Variants in NFIX observed in about 807,000 individuals in gnomAD.
NFIX encodes the protein nuclear factor 1 X-type.
Under a neutral mutation model 53.3 loss-of-function variants are expected in NFIX, and 2 were observed. That is an observed-to-expected ratio of 0.04 (90% CI 0.02 to 0.12). NFIX has a LOEUF of 0.12. Ranked by LOEUF, NFIX falls within the 10% of genes least tolerant of loss-of-function variation. The pLI is 1.00. For synonymous variants in NFIX, 244 were observed against 289.0 expected (o/e 0.84, Z 1.58); for missense variants, 310 against 674.5 (o/e 0.46, Z 5.99).
chr19:13,036,346 G>A lies in NFIX; in HGVS notation c.559+10794G>A, dbSNP rs751825536. 2.0e-5 allele frequency among the ~76,000 whole-genome samples: 3 copies of A among 152,220 alleles called. No homozygotes were observed. Among genetic ancestry groups the A allele is most frequent in the Non-Finnish European group, 2.9e-5 (2 of 68,030 alleles). On this transcript the variant is annotated intron_variant, in intron 2 of 10. Transcript: ENST00000592199. The surrounding 1 kb of genome is among the most constrained non-coding windows in gnomAD (Gnocchi z 4.7). ...TGTTTGTTTTGGGTTTAACAATACA[G>A]CAGGGAGAAGAGTGGCAGAGGAAGA...
rs2012976702 is a variant in NFIX at position 13,022,081 on chromosome 19, A to G, written c.28-2940A>G. On this transcript the variant is annotated intron_variant, in intron 1 of 10. Coordinates refer to ENST00000592199, the MANE Select transcript of NFIX (RefSeq NM_001365902.3). This position sits in a 1 kb window ranked among gnomAD's most constrained non-coding sequence, Gnocchi z 4.5. ...GATCTGGAGAATTAAATGCCTGTGC[A>G]GTGGTGAGGGGCGTTGGTCAGATTC... Among the ~76,000 whole-genome samples, 1 of 152,160 alleles carries G rather than the reference A, an allele frequency of 6.6e-6. No individual in the cohort carries two copies. Among genetic ancestry groups the G allele is most frequent in the Admixed American group, 6.5e-5 (1 of 15,286 alleles).
At position 12,996,398 on chromosome 19, in the gene NFIX, C is replaced by T. The variant is rs1029616718; in HGVS notation, c.27+534C>T. 1.3e-5 allele frequency among the ~76,000 whole-genome samples: 2 copies of T among 151,912 alleles called. No individual in the cohort carries two copies. The highest frequency in any genetic ancestry group is 2.1e-4 in the South Asian group (1 of 4,822). On this transcript the variant is annotated intron_variant, in intron 1 of 10. Transcript: ENST00000592199. The surrounding 1 kb of genome is among the most constrained non-coding windows in gnomAD (Gnocchi z 5.2). The stretch of plus-strand genomic sequence containing the variant: ...CCGGCGTGCGTGGCGGCGGCCCTTG[C>T]GTGCGGCCGGGGTGCCTGGGGTGGG...
rs575928436 is a variant in NFIX at position 13,049,158 on chromosome 19, C to T, written c.559+23606C>T. 6.6e-6 allele frequency among the ~76,000 whole-genome samples: 1 copy of T among 152,212 alleles called. No individual in the cohort carries two copies. The highest frequency in any genetic ancestry group is 2.1e-4 in the South Asian group (1 of 4,816). The stretch of plus-strand genomic sequence containing the variant: ...ATCCTAGCTACTTGGGAGGCTGAGG[C>T]AGGAGGATTGCTTGAACCCAAGAAT... On this transcript the variant is annotated intron_variant, in intron 2 of 10. Transcript: ENST00000592199. The surrounding 1 kb of genome is among the most constrained non-coding windows in gnomAD (Gnocchi z 4.5).
At position 13,068,059 on chromosome 19, in the gene NFIX, C is replaced by T. The variant is rs185763196; in HGVS notation, c.560-4988C>T. On this transcript the variant is annotated intron_variant, in intron 2 of 10. Coordinates refer to ENST00000592199, the MANE Select transcript of NFIX (RefSeq NM_001365902.3). This position sits in a 1 kb window ranked among gnomAD's most constrained non-coding sequence, Gnocchi z 4.2. ...GGTGGGGCTTGCAGTGAGCCGAGATCGCACCACTGCACTCCAGCCTGGGTG... is the reference window on the plus strand; with the variant it reads ...GGTGGGGCTTGCAGTGAGCCGAGATTGCACCACTGCACTCCAGCCTGGGTG... Among the ~76,000 whole-genome samples the T allele has an allele frequency of 4.4e-3, 668 of 151,708 alleles. 7 individuals are homozygous for T. The highest frequency in any genetic ancestry group is 0.016 in the African/African-American group (642 of 41,322).
At chr19:13,076,558 T>G (rs2017116173) in intron 6 of NFIX, among the ~76,000 whole-genome samples, 1 of 152,180 alleles carries the variant, frequency 6.6e-6, no homozygotes, top group Non-Finnish European at 1.5e-5. Flanking sequence ...ATCCTCACTG[T>G]GGGTGTGACA....
intron 2 of NFIX, among the ~76,000 whole-genome samples, chr19:13,053,056 A>G (rs1296883144): frequency 6.6e-6 from 1 of 152,202 alleles, no homozygotes; most frequent in Non-Finnish European, 1.5e-5. Context: ...CCTCCTGCAC[A>G]GTGCACACAT....
intron 1 of NFIX, among the ~76,000 whole-genome samples, chr19:13,010,542 C>A (rs1334300038): frequency 1.3e-5 from 2 of 152,270 alleles, no homozygotes; most frequent in Admixed American, 1.3e-4. Flanking sequence ...CTGGCTGGCG[C>A]ACTTACACCT....
At chr19:13,061,809 C>A (rs2016111775) in intron 2 of NFIX, among the ~76,000 whole-genome samples, 1 of 152,152 alleles carries the variant, frequency 6.6e-6, no homozygotes, top group South Asian at 2.1e-4. Context: ...AAAAAAAAAT[C>A]TGTAAAAATC....
intron 2 of NFIX, among the ~76,000 whole-genome samples, chr19:13,033,755 G>A (rs1315350579): frequency 6.6e-6 from 1 of 152,200 alleles, no homozygotes; most frequent in Non-Finnish European, 1.5e-5. Flanking sequence ...CTCCTGGCTG[G>A]GTGTGTGTGC....
At position 13,094,521 on chromosome 19, in the gene NFIX, C is replaced by T; in HGVS notation, c.1495-114C>T. 2 of 1,091,374 alleles carry T rather than the reference C, an allele frequency of 1.8e-6. No homozygotes were observed. Among genetic ancestry groups the T allele is most frequent in the Non-Finnish European group, 2.6e-6 (2 of 758,112 alleles). 67.6% of individuals were successfully genotyped at this position (1,091,374 alleles called of 1,614,324 possible). On this transcript the variant is annotated intron_variant, in intron 10 of 10. Transcript: ENST00000592199. This position sits in a 1 kb window ranked among gnomAD's most constrained non-coding sequence, Gnocchi z 4.3. ...CAAGGTGGGTGGTGGCTGCCCGGCA[C>T]CCTGGCTCTTTGGGAGCTGGACCCT...
chr19:13,071,864 C>A (rs1012496922), intron 2 of NFIX, among the ~76,000 whole-genome samples: 2 of 152,208 alleles, frequency 1.3e-5, no homozygotes, highest in Non-Finnish European at 2.9e-5. Context: ...CAGCTCTGTT[C>A]CTTGCCTCCC....
rs1290480056 is a variant in NFIX, at chr19:13,078,701, C to T, written c.1044C>T (p.His348=). The part of the protein sequence containing the change: ...QGSSPRMAFT[H]HPLPVLAGVR... The stretch of plus-strand genomic sequence containing the variant: ...GCTCCCCGCGCATGGCTTTCACCCA[C>T]CACCCGCTGCCTGTGCTTGCTGGAG... Residue 348 remains histidine (H), a synonymous_variant, in exon 7 of 11, where the codon CAC becomes CAT. Coordinates refer to ENST00000592199, the MANE Select transcript of NFIX (RefSeq NM_001365902.3). The surrounding 1 kb of genome is among the most constrained non-coding windows in gnomAD (Gnocchi z 4.7). 6.3e-7 allele frequency: 1 copy of T among 1,599,812 alleles called. No individual in the cohort carries two copies. The highest frequency in any genetic ancestry group is 8.5e-7 in the Non-Finnish European group (1 of 1,173,534).
Position 13,075,455 on chromosome 19 carries a change from G to A in NFIX, c.819-80G>A, listed in dbSNP as rs537846440. 21 of 1,524,448 alleles carry A rather than the reference G, an allele frequency of 1.4e-5. No homozygotes were observed. In the South Asian group the frequency reaches 2.3e-4, roughly 17 times the overall value. 94.4% of individuals were successfully genotyped at this position (1,524,448 alleles called of 1,614,324 possible). A position where few individuals can be genotyped will look rare whatever the true frequency, so the allele number is the denominator to read the frequency against. On this transcript the variant is annotated intron_variant, in intron 5 of 10. Transcript: ENST00000592199. ...CCACCCAGAGGGCCATCTATGCACAGTTCTTTAGCCTGGACTCTTGGTCAC... is the reference window on the plus strand; with the variant it reads ...CCACCCAGAGGGCCATCTATGCACAATTCTTTAGCCTGGACTCTTGGTCAC...
At chr19:13,075,741 C>G (rs2017061685) in intron 6 of NFIX, 70 bp downstream of exon 6, 2 of 1,530,510 alleles carry the variant, frequency 1.3e-6, no homozygotes, top group Non-Finnish European at 1.8e-6. Flanking sequence ...TCTCAGTTCA[C>G]CTGGTGAGCC....
At position 13,090,509 on chromosome 19, in the gene NFIX, G is replaced by C; in HGVS notation, c.1494+119G>C. 1.0e-6 allele frequency: 1 copy of C among 991,926 alleles called. No homozygotes were observed. Among genetic ancestry groups the C allele is most frequent in the South Asian group, 1.3e-5 (1 of 77,104 alleles). 61.4% of individuals were successfully genotyped at this position (991,926 alleles called of 1,614,324 possible). A position where few individuals can be genotyped will look rare whatever the true frequency, so the allele number is the denominator to read the frequency against. ...GGGGCTAACAGGGAGAGAGAGGTCT[G>C]AGGTGGGGCTGGAGGGCCCAGGCTT... On this transcript the variant is annotated intron_variant, in intron 10 of 10. Transcript: ENST00000592199. The surrounding 1 kb of genome is among the most constrained non-coding windows in gnomAD (Gnocchi z 6.6).
In NFIX at chr19:13,078,583, C is replaced by A; in HGVS notation, c.956-30C>A. 3 of 1,585,116 alleles carry A rather than the reference C, an allele frequency of 1.9e-6. No homozygotes were observed. The highest frequency in any genetic ancestry group is 1.7e-6 in the Non-Finnish European group (2 of 1,165,328). ...CGCACCCACCCCAGCCCAGCTAAAC[C>A]TGCCCTGTGTTGCTGCTTCCTCCCC... On this transcript the variant is annotated intron_variant, in intron 6 of 10. Coordinates refer to ENST00000592199, the MANE Select transcript of NFIX (RefSeq NM_001365902.3). The surrounding 1 kb of genome is among the most constrained non-coding windows in gnomAD (Gnocchi z 4.7).
intron 2 of NFIX, among the ~76,000 whole-genome samples, chr19:13,031,938 A>C (rs1316351027): frequency 5.4e-5 from 8 of 149,314 alleles, no homozygotes; most frequent in Non-Finnish European, 1.5e-5. Flanking sequence ...CTCCCTCCCC[A>C]CCCCTTTTTC....
rs2018313896 is a variant in NFIX at position 13,094,338 on chromosome 19, G to T, written c.1495-297G>T. Among the ~76,000 whole-genome samples, 1 of 152,224 alleles carries T rather than the reference G, an allele frequency of 6.6e-6. No individual in the cohort carries two copies. Among genetic ancestry groups the T allele is most frequent in the Admixed American group, 6.5e-5 (1 of 15,286 alleles). On this transcript the variant is annotated intron_variant, in intron 10 of 10. Transcript: ENST00000592199. The surrounding 1 kb of genome is among the most constrained non-coding windows in gnomAD (Gnocchi z 4.3). ...CAATTGGAAACATGGCCAGATCTCA[G>T]GCCTGTGCCAGCGCCAGCCATGGGG...
In NFIX at chr19:13,081,918, C is replaced by T; in HGVS notation, c.1254+63C>T. 2 of 1,574,022 alleles carry T rather than the reference C, an allele frequency of 1.3e-6. No individual in the cohort carries two copies. The highest frequency in any genetic ancestry group is 1.1e-5 in the South Asian group (1 of 87,922). On this transcript the variant is annotated intron_variant, in intron 8 of 10. Transcript: ENST00000592199. The surrounding 1 kb of genome is among the most constrained non-coding windows in gnomAD (Gnocchi z 4.7). ...CATCTCCACATCTATCTGTCTGTCT[C>T]AGGGCTCACAGGGAGAGGGCCCAAA...
Sources: gnomAD v4.1 joint callset for allele counts (sites outside exome capture counted in the v4.1 genomes callset) on GRCh38, gnomAD v4.1.1 for gene constraint, Gnocchi (gnomAD v3.1) non-coding constraint, MANE v1.5 for transcripts, NCBI Gene and HGNC (gene_info 2026-07-23, HGNC 2026-07-21) for gene names.